Variants in DEAF1 observed in about 807,000 individuals in gnomAD.
DEAF1 encodes DEAF1 transcription factor, also known as deformed epidermal autoregulatory factor 1 homolog.
DEAF1 carries 53 observed loss-of-function variants against 58.9 expected under a neutral mutation model. The observed-to-expected ratio is 0.90, with a 90% CI of 0.72 to 1.13. DEAF1 has a LOEUF of 1.13. Ranked by LOEUF, DEAF1 falls within the 50% of genes most tolerant of loss-of-function variation. The pLI is 0.00. For synonymous variants in DEAF1, 385 were observed against 340.4 expected (o/e 1.13, Z -1.44); for missense variants, 685 against 791.4 (o/e 0.87, Z 1.61).
At position 694,964 on chromosome 11, in the gene DEAF1, C is replaced by A; in HGVS notation, c.84G>T (p.Ala28=). 1 of 1,164,224 alleles carries A rather than the reference C, an allele frequency of 8.6e-7. No individual in the cohort carries two copies. Among genetic ancestry groups the A allele is most frequent in the Non-Finnish European group, 1.1e-6 (1 of 945,074 alleles). 72.1% of individuals were successfully genotyped at this position (1,164,224 alleles called of 1,614,324 possible). ...AVAAAAAVAA[A]AAAAAGGEAE... ...CCTCGCCTCCTGCCGCGGCCGCGGC[C>A]GCCGCCGCCACAGCGGCCGCGGCCG... Residue 28 remains alanine (A), a synonymous_variant, in exon 1 of 12, where the codon GCG becomes GCT. Coordinates refer to ENST00000382409, the MANE Select transcript of DEAF1 (RefSeq NM_021008.4).
At position 658,723 on chromosome 11, in the gene DEAF1, G is replaced by A. The variant is rs7114732; in HGVS notation, c.1504-4672C>T. On this transcript the variant is annotated intron_variant, in intron 10 of 11. Coordinates refer to ENST00000382409, the MANE Select transcript of DEAF1 (RefSeq NM_021008.4). ...AGGAGACTGCAGCAGAGCACCCTGCGGGGAGTCCCGCCCAAGCAGCGGGTC... is the reference window on the plus strand; with the variant it reads ...AGGAGACTGCAGCAGAGCACCCTGCAGGGAGTCCCGCCCAAGCAGCGGGTC... Among the ~76,000 whole-genome samples, 980 of 152,352 alleles carry A rather than the reference G, an allele frequency of 6.4e-3. 59 individuals carry two copies. In the East Asian group the frequency reaches 0.13, roughly 21 times the overall value.
intron 10 of DEAF1, among the ~76,000 whole-genome samples, chr11:655,321 G>A (rs1274538448): frequency 6.6e-6 from 1 of 152,120 alleles, no homozygotes; most frequent in African/African-American, 2.4e-5. Flanking sequence ...TGCCACCAGA[G>A]GTTTGTGTAC....
rs574850003 is a variant in DEAF1, at chr11:685,782, G to A, written c.805-819C>T. Among the ~76,000 whole-genome samples the A allele has an allele frequency of 5.3e-5, 8 of 151,826 alleles. No individual in the cohort carries two copies. The South Asian group carries it at 8.3e-4, about 16-fold the overall frequency. On this transcript the variant is annotated intron_variant, in intron 5 of 11. Transcript: ENST00000382409. Reference sequence around the variant, plus strand: ...TGTAATCCCAGCACTTTGGGAGGCCGAGGCGGGTGGCTCACTTAAGGTCAG... The same window carrying A: ...TGTAATCCCAGCACTTTGGGAGGCCAAGGCGGGTGGCTCACTTAAGGTCAG...
chr11:700,909 G>C (rs977878336), intron 1 of DEAF1: 2 of 615,216 alleles, frequency 3.3e-6, no homozygotes, highest in African/African-American at 3.7e-5. Flanking sequence ...AATAACACTG[G>C]GGGCATCGTT....
chr11:679,849 G>A (rs1476131145), intron 7 of DEAF1, 33 bp from the exon 8 acceptor site: 1 of 1,610,424 alleles, frequency 6.2e-7, no homozygotes, highest in Admixed American at 1.7e-5. Flanking sequence ...CACGCGGCCA[G>A]GCAGTGGCGC....
intron 4 of DEAF1, among the ~76,000 whole-genome samples, chr11:687,580 C>A (rs1038806802): frequency 9.2e-5 from 14 of 152,228 alleles, no homozygotes; most frequent in African/African-American, 3.4e-4. Context: ...AGCTCTGCCT[C>A]CTGGGTTCAC....
chr11:658,322 G>A (rs903543489), intron 10 of DEAF1, among the ~76,000 whole-genome samples: 12 of 152,138 alleles, frequency 7.9e-5, no homozygotes, highest in African/African-American at 1.7e-4. Context: ...CCGGCTACTC[G>A]CGAGGCTAAG....
rs143430886 is a variant in DEAF1, at chr11:660,090, G to A, written c.1504-6039C>T. Among the ~76,000 whole-genome samples, 84 of 152,286 alleles carry A rather than the reference G, an allele frequency of 5.5e-4. 1 individual carries two copies. The highest frequency in any genetic ancestry group is 1.3e-3 in the African/African-American group (55 of 41,534). ...AGAGGGCTCCCCATGACTGTGTCCCGTGAGGGCGCAGCAGCTCAGCTTAAA... is the reference window on the plus strand; with the variant it reads ...AGAGGGCTCCCCATGACTGTGTCCCATGAGGGCGCAGCAGCTCAGCTTAAA... On this transcript the variant is annotated intron_variant, in intron 10 of 11. Coordinates refer to ENST00000382409, the MANE Select transcript of DEAF1 (RefSeq NM_021008.4).
At chr11:669,927 CAAAAAAAAAAAAAA>C (rs59541099) in intron 10 of DEAF1, among the ~76,000 whole-genome samples, 3 of 86,906 alleles carry the variant, frequency 3.5e-5, no homozygotes, top group Non-Finnish European at 6.5e-5. Flanking sequence ...GAGACTGTCT[CAAAAAAAAAAAAAA>C]AAAAAAAAAA....
chr11:647,228 G>A (rs1224012234), intron 11 of DEAF1, among the ~76,000 whole-genome samples: 1 of 152,128 alleles, frequency 6.6e-6, no homozygotes, highest in East Asian at 1.9e-4. Context: ...GGCCAAGGCA[G>A]GCAGATCATG....
chr11:691,526 G>A lies in DEAF1; in HGVS notation c.362C>T (p.Ala121Val). 4 of 1,613,362 alleles carry A rather than the reference G, an allele frequency of 2.5e-6. No individual in the cohort carries two copies. The highest frequency in any genetic ancestry group is 2.5e-6 in the Non-Finnish European group (3 of 1,180,014). ...DNVFTTSVANAASISGHVLSG... is the reference protein window; with the variant it reads ...DNVFTTSVANVASISGHVLSG... ...CAGAACATGTCCTGAGATGGATGCC[G>A]CGTTCGCCACAGACGTGGTGAAGAC... Residue 121 changes from alanine (A) to valine (V), a missense_variant, in exon 2 of 12, where the codon GCG (alanine) becomes GTG (valine). Around this residue, in one of 3 missense-constraint regions of DEAF1, gnomAD observed 132 missense variants for 234.3 expected, o/e 0.56. Coordinates refer to ENST00000382409, the MANE Select transcript of DEAF1 (RefSeq NM_021008.4).
At chr11:655,967 G>A (rs1368669926) in intron 10 of DEAF1, among the ~76,000 whole-genome samples, 1 of 151,856 alleles carries the variant, frequency 6.6e-6, no homozygotes, top group African/African-American at 2.4e-5. Context: ...CCACAGCTGG[G>A]ACTACAGGCA....
intron 10 of DEAF1, among the ~76,000 whole-genome samples, chr11:670,420 A>G (rs1406000039): frequency 7.2e-6 from 1 of 138,250 alleles, no homozygotes; most frequent in Non-Finnish European, 1.6e-5. Flanking sequence ...TTTTTTTTTT[A>G]AAGTATTTTT....
chr11:653,727 G>A lies in DEAF1; in HGVS notation c.1593+235C>T, dbSNP rs553229702. The stretch of plus-strand genomic sequence containing the variant: ...GGGAAGCACTGACCAGCAGCCCTCA[G>A]GGTTTCCGGCCACCAACTGTGGGGC... On this transcript the variant is annotated intron_variant, in intron 11 of 11. Coordinates refer to ENST00000382409, the MANE Select transcript of DEAF1 (RefSeq NM_021008.4). 2.0e-5 allele frequency among the ~76,000 whole-genome samples: 3 copies of A among 152,312 alleles called. No homozygotes were observed. In the South Asian group the frequency reaches 6.2e-4, roughly 32 times the overall value.
At chr11:682,089 G>C (rs1424797850) in intron 6 of DEAF1, among the ~76,000 whole-genome samples, 2 of 152,190 alleles carry the variant, frequency 1.3e-5, no homozygotes, top group Non-Finnish European at 2.9e-5. Context: ...TGTTCTCCTG[G>C]GGCGGCCTCG....
chr11:682,957 A>G (rs1332290839), intron 6 of DEAF1, among the ~76,000 whole-genome samples: 1 of 152,070 alleles, frequency 6.6e-6, no homozygotes, highest in African/African-American at 2.4e-5. Context: ...AACCACCCAC[A>G]ATGGAGCCTC....
In DEAF1 at chr11:703,661, C is replaced by G. The variant is rs1029322048; in HGVS notation, c.-438+2911G>C. 9.7e-6 allele frequency: 12 copies of G among 1,232,520 alleles called. No homozygotes were observed. The Middle Eastern group carries it at 9.4e-4, about 96-fold the overall frequency. 76.3% of individuals were successfully genotyped at this position (1,232,520 alleles called of 1,614,324 possible). A position where few individuals can be genotyped will look rare whatever the true frequency, so the allele number is the denominator to read the frequency against. On this transcript the variant is annotated intron_variant, in intron 1 of 11. Coordinates refer to the DEAF1 transcript ENST00000683307. ...CGCAGGATGGGGTAGGCCTTGTGCT[C>G]TGAGCAACCCCAGCTCTGCCTCACA...
chr11:657,684 G>C (rs1405306273), intron 10 of DEAF1, among the ~76,000 whole-genome samples: 1 of 152,100 alleles, frequency 6.6e-6, no homozygotes, highest in Non-Finnish European at 1.5e-5. Flanking sequence ...TGGATGTCAG[G>C]GACGCCACAG....
rs1861464975 is a variant in DEAF1, at chr11:701,401, G to C, written c.-438+5171C>G. Among the ~76,000 whole-genome samples, 4 of 135,548 alleles carry C rather than the reference G, an allele frequency of 3.0e-5. No homozygotes were observed. In the South Asian group the frequency reaches 9.4e-4, roughly 32 times the overall value. 88.9% of individuals were successfully genotyped at this position (135,548 alleles called of 152,430 possible). ...TTTTTTTTTGGTAGAGACGAGACAA[G>C]GTTTCTTTTTTTTTTTTTTTTTTTT... is the stretch of plus-strand genomic sequence containing the variant. On this transcript the variant is annotated intron_variant, in intron 1 of 11. Transcript: ENST00000683307.
Sources: gnomAD v4.1 joint callset for allele counts (sites outside exome capture counted in the v4.1 genomes callset) on GRCh38, gnomAD v4.1.1 for gene constraint, gnomAD v4.1.1 regional missense constraint, MANE v1.5 for transcripts, NCBI Gene and HGNC (gene_info 2026-07-23, HGNC 2026-07-21) for gene names.